The following SNTG1 variants were observed in gnomAD, a reference collection of about 807,000 sequenced individuals.
SNTG1 encodes the protein gamma-1-syntrophin.
Under a neutral mutation model 74.7 loss-of-function variants are expected in SNTG1, and 39 were observed. The ratio of observed to expected loss-of-function variants is 0.52; its 90% confidence interval spans 0.40 to 0.68. The LOEUF is 0.68. Among genes scored for constraint, SNTG1 ranks in the 30% least tolerant of loss-of-function variants. The pLI is 0.00. For synonymous variants in SNTG1, 254 were observed against 217.1 expected (o/e 1.17, Z -1.49); for missense variants, 685 against 609.5 (o/e 1.12, Z -1.30).
chr8:50,512,255 C>T (rs112073299), intron 9 of SNTG1, among the ~76,000 whole-genome samples: 2,104 of 151,814 alleles, frequency 0.014, 36 homozygotes, highest in Non-Finnish European at 0.02. Context: ...CCAGTCTCTT[C>T]TGGCTTGCAG....
chr8:50,257,913 G>A (rs972728813), intron 2 of SNTG1, among the ~76,000 whole-genome samples: 2 of 152,208 alleles, frequency 1.3e-5, no homozygotes, highest in Admixed American at 1.3e-4. Context: ...CGACAGCTAG[G>A]TGTGAAACCA....
intron 2 of SNTG1, among the ~76,000 whole-genome samples, chr8:50,377,988 C>T (rs1403287128): frequency 6.6e-6 from 1 of 152,226 alleles, no homozygotes; most frequent in Non-Finnish European, 1.5e-5. Flanking sequence ...TGGCTGGTGG[C>T]ACCTTTGCCC....
At chr8:50,653,606 A>T (rs2095162154) in intron 13 of SNTG1, among the ~76,000 whole-genome samples, 1 of 151,836 alleles carries the variant, frequency 6.6e-6, no homozygotes, top group Admixed American at 6.6e-5. Flanking sequence ...CAAACTGTTT[A>T]TTTTTTTCTA....
At chr8:50,575,956 A>G (rs2094574474) in intron 12 of SNTG1, among the ~76,000 whole-genome samples, 1 of 151,882 alleles carries the variant, frequency 6.6e-6, no homozygotes, top group East Asian at 1.9e-4. Flanking sequence ...CTTATTTTTC[A>G]GCAGTTTTAC....
chr8:50,193,651 A>G (rs2131800115), intron 2 of SNTG1, among the ~76,000 whole-genome samples: 1 of 152,186 alleles, frequency 6.6e-6, no homozygotes, highest in Non-Finnish European at 1.5e-5. Flanking sequence ...GCCAATGTGG[A>G]TGCCCTTTAT....
At chr8:50,680,439 T>C (rs926526083) in intron 15 of SNTG1, among the ~76,000 whole-genome samples, 2 of 152,204 alleles carry the variant, frequency 1.3e-5, no homozygotes, top group African/African-American at 4.8e-5. Context: ...ATACCAATTA[T>C]GTGAATGGGA....
chr8:50,748,932 TC>T (rs1339579323), intron 17 of SNTG1, among the ~76,000 whole-genome samples: 1 of 151,956 alleles, frequency 6.6e-6, no homozygotes, highest in African/African-American at 2.4e-5. Context: ...TAATTAATAA[TC>T]CTGCAATGGA....
intron 2 of SNTG1, among the ~76,000 whole-genome samples, chr8:50,352,581 G>T (rs2091696539): frequency 6.6e-6 from 1 of 151,940 alleles, no homozygotes; most frequent in Admixed American, 6.6e-5. Context: ...AGTAGAGGCG[G>T]GTTTTCACCA....
At chr8:50,594,110 C>T (rs1585789090) in intron 13 of SNTG1, among the ~76,000 whole-genome samples, 2 of 152,274 alleles carry the variant, frequency 1.3e-5, no homozygotes, top group African/African-American at 4.8e-5. Flanking sequence ...AGTTGTCTTG[C>T]TGATGAACAA....
intron 18 of SNTG1, among the ~76,000 whole-genome samples, chr8:50,777,218 CAT>C (rs34381602): frequency 4.7e-4 from 67 of 143,548 alleles, no homozygotes; most frequent in South Asian, 1.5e-3. Context: ...ACATGAATAG[CAT>C]ATATATATAT....
chr8:50,216,200 C>CA (rs2131950891), intron 2 of SNTG1, among the ~76,000 whole-genome samples: 1 of 152,262 alleles, frequency 6.6e-6, no homozygotes, highest in East Asian at 1.9e-4. Flanking sequence ...TTAAAAGCCA[C>CA]AAAAGGATAG....
chr8:50,115,581 A>AAAAAAAAAAAAAAAAAAAAAAAAAC (rs1563617770), intron 1 of SNTG1, among the ~76,000 whole-genome samples: 7 of 147,830 alleles, frequency 4.7e-5, no homozygotes, highest in African/African-American at 1.8e-4. Context: ...AAAAAAAAAA[A>AAAAAAAAAAAAAAAAAAAAAAAAAC]AAAAAACGAG....
intron 1 of SNTG1, among the ~76,000 whole-genome samples, chr8:50,142,749 T>C (rs1186279283): frequency 1.1e-4 from 16 of 152,102 alleles, no homozygotes; most frequent in Admixed American, 1.0e-3. Flanking sequence ...AACCTCTCAC[T>C]GAAATTTTGC....
intron 1 of SNTG1, among the ~76,000 whole-genome samples, chr8:49,950,198 A>G (rs915693584): frequency 6.6e-6 from 1 of 152,210 alleles, no homozygotes; most frequent in East Asian, 1.9e-4. Flanking sequence ...AGGACAACTT[A>G]TGTCATTATA....
intron 2 of SNTG1, among the ~76,000 whole-genome samples, chr8:50,176,137 T>C (rs7825063): frequency 0.43 from 65,832 of 151,892 alleles, 17,994 homozygotes; most frequent in African/African-American, 0.79. Flanking sequence ...TTTGCTATTG[T>C]TGCTTTTGTG....
chr8:49,956,489 T>C (rs1810183634), intron 1 of SNTG1, among the ~76,000 whole-genome samples: 1 of 152,178 alleles, frequency 6.6e-6, no homozygotes, highest in African/African-American at 2.4e-5. Flanking sequence ...ATTGGATGGG[T>C]CATGTACAGC....
At chr8:50,018,860 G>C (rs1342268837) in intron 1 of SNTG1, among the ~76,000 whole-genome samples, 1 of 151,990 alleles carries the variant, frequency 6.6e-6, no homozygotes, top group Non-Finnish European at 1.5e-5. Context: ...GGAGACATTG[G>C]ATCCTTTGTA....
At position 50,555,193 on chromosome 8, in the gene SNTG1, C is replaced by T. The variant is rs149959004; in HGVS notation, c.810+2014C>T. ...CTCACCGTCATATGATTCCCCTATA[C>T]TACTGTTTTAACTGTTTGGAGATCC... On this transcript the variant is annotated intron_variant, in intron 12 of 18. Transcript: ENST00000642720. Among the ~76,000 whole-genome samples, 177 of 152,266 alleles carry T rather than the reference C, an allele frequency of 1.2e-3. 3 individuals are homozygous for T. Among genetic ancestry groups the T allele is most frequent in the Admixed American group, 9.2e-3 (141 of 15,282 alleles).
chr8:50,565,005 AAATT>A (rs1419214705), intron 12 of SNTG1, among the ~76,000 whole-genome samples: 1 of 152,060 alleles, frequency 6.6e-6, no homozygotes, highest in Non-Finnish European at 1.5e-5. Flanking sequence ...CTGTGATGTC[AAATT>A]AATAATATGT....
Sources: gnomAD v4.1 joint callset for allele counts (sites outside exome capture counted in the v4.1 genomes callset) on GRCh38, gnomAD v4.1.1 for gene constraint, MANE v1.5 for transcripts, NCBI Gene and HGNC (gene_info 2026-07-23, HGNC 2026-07-21) for gene names.